Variants in PCM1 observed in about 807,000 individuals in gnomAD.
The protein encoded by PCM1 is pericentriolar material 1 protein.
In PCM1, 157 loss-of-function variants were observed where a neutral mutation model predicts 241.9. The ratio of observed to expected loss-of-function variants is 0.65; its 90% CI spans 0.57 to 0.74. PCM1 has a LOEUF of 0.74. Among genes scored for constraint, PCM1 ranks in the 30% least tolerant of loss-of-function variants. PCM1 has a pLI of 0.00. For synonymous variants in PCM1, 1,085 were observed against 784.9 expected, an observed-to-expected ratio of 1.38 and a Z score of -6.39; for missense variants, 3,478 against 2,360.1, an observed-to-expected ratio of 1.47 and a Z score of -9.81.
At position 17,939,718 on chromosome 8, in the gene PCM1, G is replaced by A. The variant is rs979634550; in HGVS notation, c.640G>A (p.Asp214Asn). ...TGTAAGCAGGCTTGTTCAAATTCGC[G>A]ATTATATTACTAAAGCTAGTTCCAT... Reference protein sequence around the residue: ...QIVSRLVQIRDYITKASSMRE... With the variant: ...QIVSRLVQIRNYITKASSMRE... Residue 214 changes from aspartate (D) to asparagine (N), a missense_variant, in exon 6 of 39, where the codon GAT becomes AAT. Physicochemically the swap from Asp to Asn is conservative, Grantham distance 23. Transcript: ENST00000325083. The A allele has an allele frequency of 4.5e-6, 7 of 1,541,342 alleles. No individual in the cohort carries two copies. Among genetic ancestry groups the A allele is most frequent in the South Asian group, 1.3e-5 (1 of 79,524 alleles).
chr8:17,959,356 A>G (rs1407679753), intron 13 of PCM1, among the ~76,000 whole-genome samples: 6 of 151,886 alleles, frequency 4.0e-5, no homozygotes, highest in Non-Finnish European at 2.9e-5. Context: ...AGTTATTTGT[A>G]GCTGCAGTAC....
intron 24 of PCM1, chr8:17,983,382 AT>A: frequency 1.6e-6 from 1 of 614,884 alleles, no homozygotes; most frequent in Non-Finnish European, 2.6e-6. Flanking sequence ...TCTTTTTTAA[AT>A]TTAGCTGAGA....
At chr8:18,022,999 CTCTT>C (rs1157870700) in intron 36 of PCM1, among the ~76,000 whole-genome samples, 12 of 152,150 alleles carry the variant, frequency 7.9e-5, no homozygotes, top group South Asian at 2.1e-4. Context: ...TTTTTTATTC[CTCTT>C]TCTATTTAAA....
At chr8:17,966,893 C>G in intron 20 of PCM1, 87 bp from the exon 21 acceptor site, 1 of 1,250,508 alleles carries the variant, frequency 8.0e-7, no homozygotes. Context: ...GCTTTTGAAT[C>G]ATTTTTTTAC....
intron 38 of PCM1, among the ~76,000 whole-genome samples, chr8:18,026,162 TCTGAAA>T (rs144847406): frequency 0.72 from 4,798 of 6,666 alleles, 1,654 homozygotes; most frequent in South Asian, 0.78. Context: ...AGACTCCCTC[TCTGAAA>T]CAAAAAAAAA....
rs1477868346 is a variant in PCM1 at position 18,011,275 on chromosome 8, A to G, written c.5259A>G (p.Thr1753=). The part of the protein sequence containing the change: ...DETETVKQTQ[T]SEVYDGPKNV... The stretch of plus-strand genomic sequence containing the variant: ...CTGAAACAGTTAAGCAGACTCAAAC[A>G]TCTGAGGTGTATGATGGTCCCAAAA... Residue 1753 remains threonine, a synonymous_variant, in exon 33 of 39, where the codon ACA becomes ACG. Coordinates refer to ENST00000325083, the MANE Select transcript of PCM1 (RefSeq NM_006197.4). The G allele has an allele frequency of 6.2e-7, 1 of 1,607,020 alleles. No homozygotes were observed. Among genetic ancestry groups the G allele is most frequent in the Non-Finnish European group, 8.5e-7 (1 of 1,176,668 alleles).
chr8:17,981,275 C>G (rs1396304440), intron 24 of PCM1, among the ~76,000 whole-genome samples: 1 of 152,144 alleles, frequency 6.6e-6, no homozygotes, highest in Non-Finnish European at 1.5e-5. Flanking sequence ...GTTTTTCTAT[C>G]TCAAGTCCTT....
At chr8:17,927,108 G>A (rs547607062) in intron 2 of PCM1, 39 of 148,184 alleles carry the variant, frequency 2.6e-4, no homozygotes, top group African/African-American at 7.6e-4. Flanking sequence ...AATTTTTTTC[G>A]TTACTGATCA....
chr8:18,027,745 T>C lies in PCM1; in HGVS notation c.*83T>C, dbSNP rs2094337564. 2.1e-6 allele frequency: 2 copies of C among 955,366 alleles called. No individual in the cohort carries two copies. The highest frequency in any genetic ancestry group is 3.1e-6 in the Non-Finnish European group (2 of 647,608). 59.2% of individuals were successfully genotyped at this position (955,366 alleles called of 1,614,324 possible). On this transcript the variant is annotated 3_prime_UTR_variant, in exon 39 of 39. Transcript: ENST00000325083. The stretch of plus-strand genomic sequence containing the variant: ...CAATACTAAATAAACATCTGATCTG[T>C]ATAAAAATGTAAATTAGTTTGACAC...
chr8:17,958,375 AAG>A (rs1229180588), intron 13 of PCM1, among the ~76,000 whole-genome samples: 15 of 152,270 alleles, frequency 9.9e-5, no homozygotes, highest in African/African-American at 3.4e-4. Context: ...AAATTTTAAA[AAG>A]CAGTTTATAC....
intron 15 of PCM1, among the ~76,000 whole-genome samples, chr8:17,961,590 C>T (rs773874265): frequency 7.2e-5 from 11 of 152,150 alleles, no homozygotes; most frequent in African/African-American, 1.2e-4. Flanking sequence ...GGATTACAGG[C>T]GTGAGCCACC....
chr8:17,985,725 G>C (rs957345647), intron 25 of PCM1, 106 bp downstream of exon 25: 18 of 897,080 alleles, frequency 2.0e-5, no homozygotes, highest in Admixed American at 8.9e-5. Context: ...ATTTTCATCT[G>C]TTCTCTATGT....
At chr8:17,962,634 C>A (rs1477568895) in intron 16 of PCM1, among the ~76,000 whole-genome samples, 1 of 152,072 alleles carries the variant, frequency 6.6e-6, no homozygotes, top group Non-Finnish European at 1.5e-5. Flanking sequence ...TGTGCGGTGA[C>A]TCACACCTAT....
chr8:17,968,776 A>G (rs1224896810), intron 21 of PCM1, among the ~76,000 whole-genome samples: 1 of 145,354 alleles, frequency 6.9e-6, no homozygotes, highest in East Asian at 1.9e-4. Context: ...ATATATATAT[A>G]TACACACCAC....
rs766883677 is a variant in PCM1 at position 17,963,139 on chromosome 8, G to A, written c.2502G>A (p.Glu834=). The stretch of plus-strand genomic sequence containing the variant: ...TGAGAAGACATGAAATGTTGAGGGA[G>A]GAGCTGCGACAGAGAAGAAAGCAGC... The part of the protein sequence containing the change: ...SEMRRHEMLR[E]ELRQRRKQLE... The change falls in exon 17 of 39, where the codon GAG becomes GAA. Residue 834 remains glutamate (E), a synonymous_variant. Transcript: ENST00000325083. 1.2e-6 allele frequency: 2 copies of A among 1,612,942 alleles called. No individual in the cohort carries two copies. The highest frequency in any genetic ancestry group is 4.5e-5 in the East Asian group (2 of 44,846).
chr8:18,022,166 T>TC lies in PCM1; in HGVS notation c.5842-3194dup, dbSNP rs199635470. Among the ~76,000 whole-genome samples the TC allele has an allele frequency of 5.5e-3, 837 of 152,270 alleles. 8 individuals carry two copies. Among genetic ancestry groups the TC allele is most frequent in the African/African-American group, 0.019 (779 of 41,542 alleles). On this transcript the variant is annotated intron_variant, in intron 36 of 38. Coordinates refer to ENST00000325083, the MANE Select transcript of PCM1 (RefSeq NM_006197.4). The stretch of plus-strand genomic sequence containing the variant: ...TCAAGTAGAGAGAGCTTCCTTAGAC[T>TC]CTTGGACTTGACAACCTATAGGTGA...
At chr8:17,944,922 A>G (rs187950528) in intron 6 of PCM1, among the ~76,000 whole-genome samples, 306 of 152,246 alleles carry the variant, frequency 2.0e-3, no homozygotes, top group African/African-American at 7.0e-3. Context: ...TTAGGTTATC[A>G]CAGTTTTGTG....
rs1227376861 is a variant in PCM1, at chr8:18,027,977, C to A, written c.*315C>A. The A allele has an allele frequency of 3.6e-6, 1 of 281,136 alleles. No homozygotes were observed. Among genetic ancestry groups the A allele is most frequent in the East Asian group, 5.3e-5 (1 of 19,020 alleles). 17.4% of individuals were successfully genotyped at this position (281,136 alleles called of 1,614,324 possible). A position where few individuals can be genotyped will look rare whatever the true frequency, so the allele number is the denominator to read the frequency against. ...AAGTTTGGACTTATCTATAAAGTAT[C>A]TTTTTTGGAAATTATATTGAATTCT... On this transcript the variant is annotated 3_prime_UTR_variant, in exon 39 of 39. Transcript: ENST00000325083.
At chr8:18,002,066 T>G (rs1240277605) in intron 29 of PCM1, among the ~76,000 whole-genome samples, 1 of 69,170 alleles carries the variant, frequency 1.4e-5, no homozygotes, top group East Asian at 4.7e-4. Context: ...TTTTTTTTCT[T>G]TTTTTTTTTT....
Sources: gnomAD v4.1 joint callset for allele counts (sites outside exome capture counted in the v4.1 genomes callset) on GRCh38, gnomAD v4.1.1 for gene constraint, MANE v1.5 for transcripts, NCBI Gene and HGNC (gene_info 2026-07-23, HGNC 2026-07-21) for gene names.